Variants in PTPRD observed in about 807,000 individuals in gnomAD.
PTPRD encodes protein tyrosine phosphatase receptor type D.
Under a neutral mutation model 214.5 loss-of-function variants are expected in PTPRD, and 34 were observed. The ratio of observed to expected loss-of-function variants is 0.16; its 90% confidence interval spans 0.12 to 0.21. The LOEUF (loss-of-function observed/expected upper bound fraction) is 0.21, where lower values mean the gene tolerates loss of function less well. PTPRD is among the 10% of genes least tolerant of loss of function. The pLI, the probability that PTPRD is intolerant of heterozygous loss-of-function variation, is 1.00. For missense variants in PTPRD, 2,545 were observed against 2,398.7 expected (o/e 1.06, Z -1.27); for synonymous variants, 1,128 against 845.7 (o/e 1.33, Z -5.79).
chr9:8,374,659 A>G (rs2082685028), intron 39 of PTPRD, among the ~76,000 whole-genome samples: 1 of 152,030 alleles, frequency 6.6e-6, no homozygotes, highest in Non-Finnish European at 1.5e-5. Context: ...TTAACCCAAC[A>G]TACTGTTGTT....
At chr9:9,931,711 G>C (rs1447793547) in intron 5 of PTPRD, among the ~76,000 whole-genome samples, 8 of 151,672 alleles carry the variant, frequency 5.3e-5, no homozygotes, top group Admixed American at 2.6e-4. Context: ...AGCTCGAACT[G>C]GGTGGAGTCC....
intron 2 of PTPRD, among the ~76,000 whole-genome samples, chr9:10,494,495 T>A (rs2041414128): frequency 6.6e-6 from 1 of 151,724 alleles, no homozygotes; most frequent in Non-Finnish European, 1.5e-5. Flanking sequence ...ATTTAACTAC[T>A]AAGGAAATTG....
At position 8,847,105 on chromosome 9, in the gene PTPRD, A is replaced by G. The variant is rs1393030121; in HGVS notation, c.-103-113159T>C. On this transcript the variant is annotated intron_variant, in intron 11 of 45. Transcript: ENST00000381196. Reference sequence around the variant, plus strand: ...TATTTTGGTATCCTCGATATAATACAAGTGTAACTGAGAGAAAACAGATTT... The same window carrying G: ...TATTTTGGTATCCTCGATATAATACGAGTGTAACTGAGAGAAAACAGATTT... Among the ~76,000 whole-genome samples the G allele has an allele frequency of 2.6e-5, 4 of 152,216 alleles. No individual in the cohort carries two copies. The East Asian group carries it at 7.7e-4, about 29-fold the overall frequency.
chr9:8,733,538 A>G (rs1461702731), intron 12 of PTPRD, among the ~76,000 whole-genome samples: 1 of 152,204 alleles, frequency 6.6e-6, no homozygotes, highest in Non-Finnish European at 1.5e-5. Context: ...GTATAAAAAA[A>G]TAAATAAACA....
intron 5 of PTPRD, among the ~76,000 whole-genome samples, chr9:9,913,409 A>C (rs1485980296): frequency 3.9e-5 from 6 of 152,194 alleles, no homozygotes; most frequent in African/African-American, 1.4e-4. Context: ...GGAAAAAAAA[A>C]CAAAACAGAG....
In PTPRD at chr9:10,512,018, GTA is replaced by G. The variant is rs1184926342; in HGVS notation, c.-600+100378_-600+100379del. ...TGTGTATATATATATATACGTGTGT[GTA>G]TATATATATGTATATATATATATAC... On this transcript the variant is annotated intron_variant, in intron 2 of 45. Transcript: ENST00000381196. Among the ~76,000 whole-genome samples, 7 of 56,192 alleles carry G rather than the reference GTA, an allele frequency of 1.2e-4. 1 individual carries two copies. Among genetic ancestry groups the G allele is most frequent in the East Asian group, 4.4e-4 (1 of 2,254 alleles). The allele number at this position is 56,192 out of a possible 152,430, so 36.9% of individuals were successfully genotyped here. A position where few individuals can be genotyped will look rare whatever the true frequency, so the allele number is the denominator to read the frequency against.
chr9:8,814,223 C>T (rs2096874595), intron 11 of PTPRD, among the ~76,000 whole-genome samples: 1 of 152,062 alleles, frequency 6.6e-6, no homozygotes, highest in Non-Finnish European at 1.5e-5. Flanking sequence ...TCCCTATAGC[C>T]AGAAAGTCAA....
chr9:10,139,377 G>C (rs896522920), intron 3 of PTPRD, among the ~76,000 whole-genome samples: 2 of 151,694 alleles, frequency 1.3e-5, no homozygotes, highest in African/African-American at 4.8e-5. Context: ...TAAAATCAGA[G>C]ATGATACAAA....
At chr9:8,792,351 A>G (rs56044285) in intron 11 of PTPRD, among the ~76,000 whole-genome samples, 19,123 of 152,224 alleles carry the variant, frequency 0.13, 1,393 homozygotes, top group East Asian at 0.34. Flanking sequence ...TACGCATTAA[A>G]AATGATAATA....
At chr9:9,667,018 T>A (rs1421890816) in intron 7 of PTPRD, among the ~76,000 whole-genome samples, 3 of 152,078 alleles carry the variant, frequency 2.0e-5, no homozygotes, top group African/African-American at 7.2e-5. Context: ...ATTACTTGGT[T>A]ACCCTCAAAG....
intron 10 of PTPRD, among the ~76,000 whole-genome samples, chr9:9,026,523 A>G (rs2099587613): frequency 6.6e-6 from 1 of 152,000 alleles, no homozygotes; most frequent in African/African-American, 2.4e-5. Context: ...CAAGGTAGTC[A>G]TGGAGTCTGG....
intron 35 of PTPRD, among the ~76,000 whole-genome samples, chr9:8,431,043 C>G (rs1389686857): frequency 6.6e-6 from 1 of 152,126 alleles, no homozygotes; most frequent in African/African-American, 2.4e-5. Flanking sequence ...TTATTAGTTC[C>G]TCCTCCCAGC....
chr9:8,546,111 G>A (rs1404883037), intron 14 of PTPRD, among the ~76,000 whole-genome samples: 1 of 152,122 alleles, frequency 6.6e-6, no homozygotes, highest in Non-Finnish European at 1.5e-5. Flanking sequence ...TACTTATCAG[G>A]GATCTCAATC....
chr9:10,497,150 G>C (rs541055920), intron 2 of PTPRD, among the ~76,000 whole-genome samples: 8 of 151,834 alleles, frequency 5.3e-5, no homozygotes, highest in Non-Finnish European at 1.2e-4. Flanking sequence ...GCTAATAGAG[G>C]GTGGAGGGAG....
chr9:8,394,929 G>A (rs1257986792), intron 36 of PTPRD, among the ~76,000 whole-genome samples: 5 of 152,028 alleles, frequency 3.3e-5, no homozygotes, highest in African/African-American at 4.8e-5. Context: ...AGCTCTCCTT[G>A]GACTTTAGCG....
At chr9:10,035,086 C>A (rs1381856530) in intron 3 of PTPRD, among the ~76,000 whole-genome samples, 1 of 152,120 alleles carries the variant, frequency 6.6e-6, no homozygotes, top group Non-Finnish European at 1.5e-5. Flanking sequence ...TATAAGCATT[C>A]CTTTTTCTCC....
At position 9,058,442 on chromosome 9, in the gene PTPRD, G is replaced by GTTTTTTTTTTTTTTTTTTTTTTTTTT. The variant is rs777910266; in HGVS notation, c.-142-39733_-142-39708dup. ...TATTGGTGAGAGAAATATTATGAGG[G>GTTTTTTTTTTTTTTTTTTTTTTTTTT]TTTTTTTTTTTTTTTTTTTTTTTTT... On this transcript the variant is annotated intron_variant, in intron 10 of 45. Coordinates refer to ENST00000381196, the MANE Select transcript of PTPRD (RefSeq NM_002839.4). Among the ~76,000 whole-genome samples, 8 of 69,898 alleles carry GTTTTTTTTTTTTTTTTTTTTTTTTTT rather than the reference G, an allele frequency of 1.1e-4. 3 individuals carry two copies. Among genetic ancestry groups the GTTTTTTTTTTTTTTTTTTTTTTTTTT allele is most frequent in the Non-Finnish European group, 2.1e-4 (8 of 38,078 alleles). The allele number at this position is 69,898 out of a possible 152,430, so 45.9% of individuals were successfully genotyped here.
chr9:9,284,504 C>T (rs775257292), intron 9 of PTPRD, among the ~76,000 whole-genome samples: 2 of 151,632 alleles, frequency 1.3e-5, no homozygotes, highest in Non-Finnish European at 2.9e-5. Flanking sequence ...ATTCGCTACC[C>T]CTCACTCCCA....
chr9:9,903,965 C>G (rs2076980353), intron 5 of PTPRD, among the ~76,000 whole-genome samples: 1 of 152,080 alleles, frequency 6.6e-6, no homozygotes, highest in Non-Finnish European at 1.5e-5. Flanking sequence ...TAACATTAAC[C>G]TCTATCTTGG....
Sources: gnomAD v4.1 joint callset for allele counts (sites outside exome capture counted in the v4.1 genomes callset) on GRCh38, gnomAD v4.1.1 for gene constraint, MANE v1.5 for transcripts, NCBI Gene and HGNC (gene_info 2026-07-23, HGNC 2026-07-21) for gene names.